The following MARK4 variants were observed in gnomAD, a reference collection of about 807,000 sequenced individuals.
MARK4 encodes microtubule affinity regulating kinase 4.
Under a neutral mutation model 81.5 loss-of-function variants are expected in MARK4, and 19 were observed. The ratio of observed to expected loss-of-function variants is 0.23; its 90% CI spans 0.16 to 0.34. The LOEUF (loss-of-function observed/expected upper bound fraction) is 0.34, where lower values mean the gene tolerates loss of function less well. Ranked by LOEUF, MARK4 falls within the 10% of genes least tolerant of loss-of-function variation. The pLI, the probability that MARK4 is intolerant of heterozygous loss-of-function variation, is 1.00. For missense variants in MARK4, 772 were observed against 1,058.8 expected (o/e 0.73, Z 3.76); for synonymous variants, 436 against 439.0 (o/e 0.99, Z 0.08).
intron 1 of MARK4, among the ~76,000 whole-genome samples, chr19:45,257,371 A>G (rs1599776905): frequency 7.0e-6 from 1 of 143,004 alleles, no homozygotes; most frequent in Non-Finnish European, 1.5e-5. Flanking sequence ...TGTAAACACA[A>G]TTTTTCTTTC....
Position 45,251,539 on chromosome 19 carries a change from A to ACCCCCCCCCCCCCCCCCCC in MARK4, c.-45_-44insCCCCCCCCCCCCCCCCCCC. Reference sequence around the variant, plus strand: ...GGAGGGGAAGAGAGGGGACCCTGGGACCCCCGCCCCCCCCACCCGGCCGCC... The same window carrying ACCCCCCCCCCCCCCCCCCC: ...GGAGGGGAAGAGAGGGGACCCTGGGACCCCCCCCCCCCCCCCCCCCCCCCGCCCCCCCCACCCGGCCGCC... On this transcript the variant is annotated 5_prime_UTR_variant, in exon 1 of 17. Coordinates refer to ENST00000262891, the MANE Select transcript of MARK4 (RefSeq NM_001199867.2). 2 of 263,200 alleles carry ACCCCCCCCCCCCCCCCCCC rather than the reference A, an allele frequency of 7.6e-6. No homozygotes were observed. The highest frequency in any genetic ancestry group is 1.5e-5 in the Non-Finnish European group (2 of 137,132). The allele number at this position is 263,200 out of a possible 1,614,324, so 16.3% of individuals were successfully genotyped here.
At chr19:45,272,417 C>T (rs1329172598) in intron 8 of MARK4, among the ~76,000 whole-genome samples, 1 of 152,096 alleles carries the variant, frequency 6.6e-6, no homozygotes, top group Non-Finnish European at 1.5e-5. Flanking sequence ...GTGACAGAAG[C>T]CAGTCACATA....
intron 2 of MARK4, among the ~76,000 whole-genome samples, chr19:45,261,027 A>G (rs976743944): frequency 3.9e-5 from 6 of 152,252 alleles, no homozygotes; most frequent in Admixed American, 6.5e-5. Context: ...CCCTCCTTCA[A>G]CTTCAGAGAA....
Position 45,271,792 on chromosome 19 carries a change from C to A in MARK4, c.786+84C>A. 7.6e-7 allele frequency: 1 copy of A among 1,310,482 alleles called. No homozygotes were observed. Among genetic ancestry groups the A allele is most frequent in the Non-Finnish European group, 1.1e-6 (1 of 941,514 alleles). The allele number at this position is 1,310,482 out of a possible 1,614,324, so 81.2% of individuals were successfully genotyped here. ...CCCCCCACACCTCCCCTGCAGAGGGCCTCAGTGGTGGGACTGGCCTGAGTT... is the reference window on the plus strand; with the variant it reads ...CCCCCCACACCTCCCCTGCAGAGGGACTCAGTGGTGGGACTGGCCTGAGTT... On this transcript the variant is annotated intron_variant, in intron 8 of 16. Coordinates refer to ENST00000262891, the MANE Select transcript of MARK4 (RefSeq NM_001199867.2). The surrounding 1 kb of genome is among the most constrained non-coding windows in gnomAD (Gnocchi z 4.1).
intron 1 of MARK4, among the ~76,000 whole-genome samples, chr19:45,254,675 G>C (rs1190355118): frequency 6.6e-6 from 1 of 152,224 alleles, no homozygotes; most frequent in Non-Finnish European, 1.5e-5. Flanking sequence ...GGCAGGCAGT[G>C]GCGGACGCGT....
intron 12 of MARK4, among the ~76,000 whole-genome samples, chr19:45,285,092 AAAAAC>A (rs1010964942): frequency 6.4e-4 from 97 of 151,536 alleles, no homozygotes; most frequent in African/African-American, 2.3e-3. Context: ...ACTCTGTCTC[AAAAAC>A]AAAACAAAAC....
At chr19:45,265,603 A>G (rs1222013771) in intron 6 of MARK4, among the ~76,000 whole-genome samples, 1 of 146,308 alleles carries the variant, frequency 6.8e-6, no homozygotes, top group Non-Finnish European at 1.5e-5. Flanking sequence ...TGGGGTAAGA[A>G]TATGTGCAGG....
In MARK4 at chr19:45,257,360, A is replaced by G. The variant is rs183700307; in HGVS notation, c.52-1629A>G. ...TGCACACTCAGTAGACTGCAGTATG[A>G]TGTAAACACAATTTTTCTTTCTCTT... On this transcript the variant is annotated intron_variant, in intron 1 of 16. Transcript: ENST00000262891. Among the ~76,000 whole-genome samples the G allele has an allele frequency of 4.9e-4, 74 of 150,340 alleles. No individual in the cohort carries two copies. In the East Asian group the frequency reaches 0.013, roughly 27 times the overall value.
rs374169232 is a variant in MARK4, at chr19:45,277,959, G to C, written c.823G>C (p.Val275Leu). 1 of 1,613,656 alleles carries C rather than the reference G, an allele frequency of 6.2e-7. No individual in the cohort carries two copies. The highest frequency in any genetic ancestry group is 8.5e-7 in the Non-Finnish European group (1 of 1,179,936). Residue 275 changes from valine to leucine, a missense_variant, in exon 9 of 17, where the codon GTC becomes CTC. Coordinates refer to ENST00000262891, the MANE Select transcript of MARK4 (RefSeq NM_001199867.2). ...RERVLRGKYR[V>L]PFYMSTDCES... ...GCGAGTACTCAGAGGGAAGTACCGG[G>C]TCCCTTTCTACATGTCAACAGACTG...
chr19:45,280,256 C>T (rs961910944), intron 10 of MARK4, 118 bp from the exon 11 acceptor site: 19 of 847,402 alleles, frequency 2.2e-5, no homozygotes, highest in South Asian at 1.7e-4. Flanking sequence ...GAGCTGTGAC[C>T]GTGCCACTGC....
chr19:45,297,635 G>A, intron 14 of MARK4, 41 bp from the exon 15 acceptor site: 4 of 1,393,058 alleles, frequency 2.9e-6, no homozygotes, highest in Non-Finnish European at 3.9e-6. Flanking sequence ...GCCCTGGCCT[G>A]CCTCAGTCCC....
intron 15 of MARK4, among the ~76,000 whole-genome samples, chr19:45,299,258 A>T (rs1970933872): frequency 6.6e-6 from 1 of 152,080 alleles, no homozygotes; most frequent in Non-Finnish European, 1.5e-5. Flanking sequence ...CCCCATCTCT[A>T]CAAAACAAAA....
At chr19:45,278,696 C>T (rs1970633978) in intron 10 of MARK4, 81 bp downstream of exon 10, 7 of 1,050,222 alleles carry the variant, frequency 6.7e-6, no homozygotes, top group South Asian at 1.3e-5. Context: ...CTCCGCCTCC[C>T]AGAATCAAGA....
intron 7 of MARK4, among the ~76,000 whole-genome samples, chr19:45,268,347 G>C (rs1360407589): frequency 6.6e-6 from 1 of 151,980 alleles, no homozygotes; most frequent in African/African-American, 2.4e-5. Flanking sequence ...ACTTTGGGAG[G>C]CCTAGGCAGG....
intron 16 of MARK4, among the ~76,000 whole-genome samples, chr19:45,301,023 G>A (rs1970963988): frequency 6.6e-6 from 1 of 152,074 alleles, no homozygotes; most frequent in African/African-American, 2.4e-5. Flanking sequence ...GTTGTGCAGG[G>A]CCCTCTTGCA....
Position 45,297,694 on chromosome 19 carries a change from G to GC in MARK4, c.1622dup (p.Ala542CysfsTer59). 6.5e-7 allele frequency: 1 copy of GC among 1,529,298 alleles called. No homozygotes were observed. 94.7% of individuals were successfully genotyped at this position (1,529,298 alleles called of 1,614,324 possible). A position where few individuals can be genotyped will look rare whatever the true frequency, so the allele number is the denominator to read the frequency against. ...CCCACAGCTCAGGCACCCCACGGGTGCCCCCTGCCTCCCCCTCCAGTCACA... is the reference window on the plus strand; with the variant it reads ...CCCACAGCTCAGGCACCCCACGGGTGCCCCCCTGCCTCCCCCTCCAGTCACA... On this transcript the variant is annotated frameshift_variant, in exon 15 of 17. Transcript: ENST00000262891. LOFTEE classifies it high-confidence loss of function.
chr19:45,252,375 C>T (rs1309989452), intron 1 of MARK4, among the ~76,000 whole-genome samples: 1 of 152,072 alleles, frequency 6.6e-6, no homozygotes, highest in African/African-American at 2.4e-5. Context: ...GCCTTGGCCT[C>T]CAACTTCTAG....
rs1007609913 is a variant in MARK4 at position 45,303,544 on chromosome 19, C to T, written c.*834C>T. On this transcript the variant is annotated 3_prime_UTR_variant, in exon 17 of 17. Transcript: ENST00000262891. ...TCGTGGAAGAAGGCAGGATGGAACT[C>T]GGCCTCATCCCCGAGGCCCCAGTTC... The T allele has an allele frequency of 2.0e-5, 3 of 152,282 alleles. No individual in the cohort carries two copies. Among genetic ancestry groups the T allele is most frequent in the Admixed American group, 2.0e-4 (3 of 15,282 alleles). 9.4% of individuals were successfully genotyped at this position (152,282 alleles called of 1,614,324 possible). A position where few individuals can be genotyped will look rare whatever the true frequency, so the allele number is the denominator to read the frequency against.
chr19:45,261,383 G>A (rs1432313892), intron 2 of MARK4, among the ~76,000 whole-genome samples: 4 of 152,184 alleles, frequency 2.6e-5, no homozygotes, highest in Non-Finnish European at 5.9e-5. Context: ...TCTCAGGAAT[G>A]CAAAGTTCTT....
Sources: allele counts gnomAD v4.1 joint callset (sites outside exome capture counted in the v4.1 genomes callset), GRCh38; gene constraint gnomAD v4.1.1; non-coding constraint Gnocchi (gnomAD v3.1); transcripts MANE v1.5; gene names NCBI Gene and HGNC (gene_info 2026-07-23, HGNC 2026-07-21).